DOCK6: variants seen among roughly 807,000 people sequenced by gnomAD.
The protein encoded by DOCK6 is dedicator of cytokinesis protein 6.
Under a neutral mutation model 230.3 loss-of-function variants are expected in DOCK6, and 167 were observed. The observed-to-expected ratio is 0.73, with a 90% CI of 0.64 to 0.82. The LOEUF (loss-of-function observed/expected upper bound fraction) is 0.82, where lower values mean the gene tolerates loss of function less well. Ranked by LOEUF, DOCK6 falls within the 40% of genes least tolerant of loss-of-function variation. The pLI, the probability that DOCK6 is intolerant of heterozygous loss-of-function variation, is 0.00. For missense variants in DOCK6, 2,598 were observed against 2,825.8 expected, an observed-to-expected ratio of 0.92 and a Z score of 1.83; for synonymous variants, 1,148 against 1,185.0, an observed-to-expected ratio of 0.97 and a Z score of 0.64.
At chr19:11,232,419 T>C in intron 22 of DOCK6, 1 of 632,542 alleles carries the variant, frequency 1.6e-6, no homozygotes, top group Non-Finnish European at 2.4e-6. Context: ...TCCTGAAAAA[T>C]GTGCACGTGT....
chr19:11,254,962 G>A (rs1172539682), intron 1 of DOCK6, among the ~76,000 whole-genome samples: 2 of 152,160 alleles, frequency 1.3e-5, no homozygotes, highest in Admixed American at 6.6e-5. Flanking sequence ...AGGAGCTAGG[G>A]CTGTGTGTCC....
rs1463790394 is a variant in DOCK6, at chr19:11,252,875, G to A, written c.216C>T (p.Leu72=). ...SRPPDAEPGP[L]RDLVEFPADD... is the part of the protein sequence containing the mutation. The stretch of plus-strand genomic sequence containing the variant: ...CAGCTGGGAATTCTACCAGGTCCCT[G>A]AGGGGCCCGGGCTCAGCATCTGGTG... Residue 72 remains leucine, a synonymous_variant, in exon 3 of 48, where the codon CTC becomes CTT. Coordinates refer to ENST00000294618, the MANE Select transcript of DOCK6 (RefSeq NM_020812.4). The A allele has an allele frequency of 2.5e-6, 4 of 1,613,750 alleles. No individual in the cohort carries two copies. The African/African-American group carries it at 5.3e-5, about 22-fold the overall frequency.
At chr19:11,248,915 A>C (rs1599281547) in intron 6 of DOCK6, among the ~76,000 whole-genome samples, 2 of 152,344 alleles carry the variant, frequency 1.3e-5, no homozygotes, top group Non-Finnish European at 2.9e-5. Flanking sequence ...ATATACAGAA[A>C]GCATTCAATA....
At chr19:11,249,754 C>T (rs375443709) in intron 6 of DOCK6, among the ~76,000 whole-genome samples, 1 of 150,720 alleles carries the variant, frequency 6.6e-6, no homozygotes, top group Non-Finnish European at 1.5e-5. Context: ...CAAAATTAGC[C>T]GGGCGTGGTG....
chr19:11,233,284 C>T lies in DOCK6; in HGVS notation c.2637G>A (p.Lys879=). 1 of 1,613,964 alleles carries T rather than the reference C, an allele frequency of 6.2e-7. No homozygotes were observed. The highest frequency in any genetic ancestry group is 1.1e-5 in the South Asian group (1 of 91,082). The stretch of plus-strand genomic sequence containing the variant: ...GGTCAGGGTTGCTGCTGCTGATGCT[C>T]TTGGAACGCGCCAGGTAGAGGCTTG... The part of the protein sequence containing the change: ...RPASLYLARS[K]SISSSNPDLA... The change falls in exon 22 of 48, where the codon AAG becomes AAA. Residue 879 remains lysine (K), a synonymous_variant. Transcript: ENST00000294618.
chr19:11,247,819 A>C, intron 7 of DOCK6: 1 of 469,450 alleles, frequency 2.1e-6, no homozygotes. Context: ...GTTGTGGTGA[A>C]TATAAGACGG....
chr19:11,225,952 A>G (rs1004121285), intron 24 of DOCK6, among the ~76,000 whole-genome samples: 45 of 150,292 alleles, frequency 3.0e-4, no homozygotes, highest in African/African-American at 1.1e-3. Flanking sequence ...CTGAGGAGAG[A>G]GGATCCCTTG....
intron 39 of DOCK6, among the ~76,000 whole-genome samples, chr19:11,206,834 GT>G (rs535091337): frequency 2.6e-3 from 48 of 18,390 alleles, no homozygotes; most frequent in African/African-American, 7.5e-3. Context: ...ATTTGTGGTG[GT>G]TTTTTTTTTT....
At position 11,238,284 on chromosome 19, in the gene DOCK6, G is replaced by A. The variant is rs12609039; in HGVS notation, c.1664C>T (p.Pro555Leu). 0.069 allele frequency: 110,407 copies of A among 1,610,386 alleles called. 4,088 individuals carry two copies. Among genetic ancestry groups the A allele is most frequent in the Non-Finnish European group, 0.074 (87,385 of 1,178,444 alleles). ...GCGGCTGCTGAAGTTGAGGCTGTGC[G>A]GGTACACGTACAGCAGGTTCCTGTG... The part of the protein sequence containing the change: ...TSYRNLLYVY[P>L]HSLNFSSRQG... Residue 555 changes from proline to leucine, a missense_variant, in exon 15 of 48, where the codon CCG (proline) becomes CTG (leucine). Pro to Leu is a moderately conservative substitution (Grantham distance 98). Coordinates refer to ENST00000294618, the MANE Select transcript of DOCK6 (RefSeq NM_020812.4).
Position 11,203,603 on chromosome 19 carries a change from C to G in DOCK6, c.5235+478G>C, listed in dbSNP as rs186074029. 32 of 166,056 alleles carry G rather than the reference C, an allele frequency of 1.9e-4. 1 individual carries two copies. The East Asian group carries it at 3.1e-3, about 16-fold the overall frequency. 10.3% of individuals were successfully genotyped at this position (166,056 alleles called of 1,614,324 possible). A position where few individuals can be genotyped will look rare whatever the true frequency, so the allele number is the denominator to read the frequency against. ...ACCTAAGCAGGGAAGAAGCGGGATTCGGGGGGGCTGGAGCGGGAGGACACA... is the reference window on the plus strand; with the variant it reads ...ACCTAAGCAGGGAAGAAGCGGGATTGGGGGGGGCTGGAGCGGGAGGACACA... On this transcript the variant is annotated intron_variant, in intron 41 of 47. Transcript: ENST00000294618.
chr19:11,254,648 C>T lies in DOCK6; in HGVS notation c.45-922G>A, dbSNP rs542679508. ...AATGAGTCGAGATCGCGCCACTGCACCCCAACCTGGGCAACAGAGCAAGAC... is the reference window on the plus strand; with the variant it reads ...AATGAGTCGAGATCGCGCCACTGCATCCCAACCTGGGCAACAGAGCAAGAC... On this transcript the variant is annotated intron_variant, in intron 1 of 47. Transcript: ENST00000294618. Among the ~76,000 whole-genome samples the T allele has an allele frequency of 3.3e-5, 5 of 151,692 alleles. No homozygotes were observed. In the South Asian group the frequency reaches 6.3e-4, roughly 19 times the overall value.
Position 11,243,465 on chromosome 19 carries a change from G to A in DOCK6, c.1259-80C>T. The stretch of plus-strand genomic sequence containing the variant: ...CAGGGGCGGCACAGTTCGGCCAGCA[G>A]AGGGCGCACCCCCTCGCCCCGTAGC... On this transcript the variant is annotated intron_variant, in intron 11 of 47. Coordinates refer to ENST00000294618, the MANE Select transcript of DOCK6 (RefSeq NM_020812.4). This position sits in a 1 kb window ranked among gnomAD's most constrained non-coding sequence, Gnocchi z 6.3. The A allele has an allele frequency of 3.2e-6, 5 of 1,552,772 alleles. No homozygotes were observed. The South Asian group carries it at 4.7e-5, about 15-fold the overall frequency.
intron 37 of DOCK6, among the ~76,000 whole-genome samples, chr19:11,210,203 CCCT>C (rs1396362398): frequency 6.7e-6 from 1 of 149,110 alleles, no homozygotes; most frequent in Non-Finnish European, 1.5e-5. Flanking sequence ...GCTGTTTGTC[CCCT>C]CATCTGTCCA....
chr19:11,250,045 CT>C (rs994623207), intron 6 of DOCK6, among the ~76,000 whole-genome samples: 5 of 149,520 alleles, frequency 3.3e-5, no homozygotes, highest in African/African-American at 4.9e-5. Flanking sequence ...GAGTCTCGCT[CT>C]GTTGCCCAGG....
chr19:11,225,187 C>T (rs1391883715), intron 24 of DOCK6, among the ~76,000 whole-genome samples: 1 of 152,124 alleles, frequency 6.6e-6, no homozygotes, highest in Non-Finnish European at 1.5e-5. Flanking sequence ...GAGATCGTGC[C>T]ATTGCACTCC....
chr19:11,243,250 T>C lies in DOCK6; in HGVS notation c.1386+8A>G. On this transcript the variant is annotated splice_region_variant and intron_variant, in intron 12 of 47. Transcript: ENST00000294618. This position sits in a 1 kb window ranked among gnomAD's most constrained non-coding sequence, Gnocchi z 6.3. Reference sequence around the variant, plus strand: ...AGTGGGAGAGTCCCTGGCCCCAGGGTAGGACACCTGCTTAAAGAAGTTTGT... The same window carrying C: ...AGTGGGAGAGTCCCTGGCCCCAGGGCAGGACACCTGCTTAAAGAAGTTTGT... 5 of 1,612,830 alleles carry C rather than the reference T, an allele frequency of 3.1e-6. No individual in the cohort carries two copies. Among genetic ancestry groups the C allele is most frequent in the Non-Finnish European group, 4.2e-6 (5 of 1,179,464 alleles).
chr19:11,204,267 C>T lies in DOCK6; in HGVS notation c.5153G>A (p.Arg1718His), dbSNP rs767651660. The change falls in exon 40 of 48, where the codon CGT becomes CAT. Residue 1718 changes from arginine to histidine, a missense_variant. By Grantham distance (29) the Arg-to-His change is conservative (BLOSUM62 0). Coordinates refer to ENST00000294618, the MANE Select transcript of DOCK6 (RefSeq NM_020812.4). ...KNLIPILEAH[R>H]DYKKLAAVHG... ...CACCGCGGCCAGCTTCTTGTAGTCA[C>T]GGTGGGCTTCCAGGATGGGGATGAG... The T allele has an allele frequency of 2.1e-5, 34 of 1,602,646 alleles. No homozygotes were observed. The East Asian group carries it at 4.7e-4, about 22-fold the overall frequency.
At chr19:11,250,755 C>A in intron 6 of DOCK6, 119 bp downstream of exon 6, 1 of 1,020,390 alleles carries the variant, frequency 9.8e-7, no homozygotes, top group Non-Finnish European at 1.4e-6. Flanking sequence ...AAACACTGAT[C>A]GGATTAATAC....
In DOCK6 at chr19:11,213,314, C is replaced by G. The variant is rs769931137; in HGVS notation, c.4353G>C (p.Leu1451=). Residue 1451 remains leucine (L), a synonymous_variant, in exon 35 of 48, where the codon CTG becomes CTC. Coordinates refer to ENST00000294618, the MANE Select transcript of DOCK6 (RefSeq NM_020812.4). ...RALVSKFPEL[L]FEEDTELCAD... ...CACACAGCTCCGTGTCCTCCTCGAA[C>G]AGCAGCTCCGGGAACTGCCCCCAAG... 13 of 1,611,730 alleles carry G rather than the reference C, an allele frequency of 8.1e-6. No individual in the cohort carries two copies. The South Asian group carries it at 9.9e-5, about 12-fold the overall frequency.
Sources: allele counts gnomAD v4.1 joint callset (sites outside exome capture counted in the v4.1 genomes callset), GRCh38; gene constraint gnomAD v4.1.1; non-coding constraint Gnocchi (gnomAD v3.1); transcripts MANE v1.5; gene names NCBI Gene and HGNC (gene_info 2026-07-23, HGNC 2026-07-21).